SLC68A1: variants seen among roughly 807,000 people sequenced by gnomAD.
SLC68A1 encodes the protein solute carrier family 68 member 1.
At chr10:102,467,771 C>T in the SLC68A1 span, among the ~76,000 whole-genome samples, 1 of 152,182 alleles carries the variant, frequency 6.6e-6, no homozygotes, top group East Asian at 1.9e-4. Context: ...ATTCTCCTCC[C>T]TCAGCCTCCC....
At chr10:102,471,682 C>T in the SLC68A1 span, among the ~76,000 whole-genome samples, 1 of 152,000 alleles carries the variant, frequency 6.6e-6, no homozygotes, top group East Asian at 1.9e-4. Context: ...TCACTTGAAC[C>T]CGGAAGGCGG....
chr10:102,471,477 T>A, the SLC68A1 span: 1 of 1,565,048 alleles, frequency 6.4e-7, no homozygotes, highest in Non-Finnish European at 8.7e-7. Flanking sequence ...GCTGGGAACT[T>A]GGCCACGCAT....
the SLC68A1 span, among the ~76,000 whole-genome samples, chr10:102,474,610 T>G: frequency 6.6e-6 from 1 of 152,228 alleles, no homozygotes; most frequent in Non-Finnish European, 1.5e-5. Context: ...ATCAGGGCAG[T>G]GTTGGAAGCA....
chr10:102,469,312 C>T, the SLC68A1 span: 1,462 of 1,009,892 alleles, frequency 1.4e-3, 16 homozygotes, highest in African/African-American at 0.019. Flanking sequence ...GAGGCCTGGG[C>T]AGTCCAGGTT....
At chr10:102,464,385 A>G in the SLC68A1 span, among the ~76,000 whole-genome samples, 2 of 151,990 alleles carry the variant, frequency 1.3e-5, no homozygotes, top group African/African-American at 2.4e-5. Context: ...TGGGAGGCGG[A>G]GGTTGCAGTG....
chr10:102,462,813 G>C, the SLC68A1 span, among the ~76,000 whole-genome samples: 2 of 152,152 alleles, frequency 1.3e-5, no homozygotes, highest in Non-Finnish European at 1.5e-5. Context: ...GTGTCTCTTA[G>C]CACAGTGCTG....
the SLC68A1 span, chr10:102,461,942 G>GCCCT: frequency 6.6e-6 from 1 of 152,250 alleles, no homozygotes; most frequent in Admixed American, 6.5e-5. Flanking sequence ...GTGGGGAGCA[G>GCCCT]CCCTACACGT....
the SLC68A1 span, among the ~76,000 whole-genome samples, chr10:102,464,153 T>A: frequency 6.6e-6 from 1 of 152,202 alleles, no homozygotes; most frequent in African/African-American, 2.4e-5. Flanking sequence ...ACCTAGTGAC[T>A]GATCTTTAAA....
chr10:102,473,591 A>G, the SLC68A1 span: 1 of 1,611,256 alleles, frequency 6.2e-7, no homozygotes, highest in Non-Finnish European at 8.5e-7. Context: ...GTCGCTCCCC[A>G]TCTCAACAAC....
At chr10:102,476,028 TGGGGA>T in the SLC68A1 span, 1 of 1,289,520 alleles carries the variant, frequency 7.8e-7, no homozygotes, top group Non-Finnish European at 1.0e-6. Flanking sequence ...GCTGGCAGCC[TGGGGA>T]AGGAGCCAGT....
chr10:102,472,872 A>G, the SLC68A1 span: 9 of 1,613,972 alleles, frequency 5.6e-6, no homozygotes, highest in Non-Finnish European at 7.6e-6. Context: ...CTGCCACTTC[A>G]ACAGCAACTT....
chr10:102,476,445 T>G, the SLC68A1 span: 1 of 917,284 alleles, frequency 1.1e-6, no homozygotes, highest in Middle Eastern at 5.4e-4. Context: ...CCTCAAGTGA[T>G]CTGCCTGCCT....
the SLC68A1 span, among the ~76,000 whole-genome samples, chr10:102,467,266 C>T: frequency 6.6e-6 from 1 of 152,120 alleles, no homozygotes; most frequent in Non-Finnish European, 1.5e-5. Context: ...AAATTCCTGG[C>T]CTCAAGTGAT....
chr10:102,474,098 G>T, the SLC68A1 span: 1 of 1,411,346 alleles, frequency 7.1e-7, no homozygotes, highest in South Asian at 1.4e-5. Context: ...CTGGGCTCTG[G>T]GTCCAGTGAC....
the SLC68A1 span, among the ~76,000 whole-genome samples, chr10:102,475,483 C>T: frequency 2.6e-5 from 4 of 151,916 alleles, no homozygotes; most frequent in Admixed American, 6.6e-5. Flanking sequence ...GGAGTGATGG[C>T]GTGAAACCAA....
At chr10:102,469,153 G>T in the SLC68A1 span, 1 of 1,614,086 alleles carries the variant, frequency 6.2e-7, no homozygotes, top group Middle Eastern at 1.6e-4. Flanking sequence ...GGACACCTTT[G>T]TCTCAGTGTA....
the SLC68A1 span, among the ~76,000 whole-genome samples, chr10:102,465,412 G>A: frequency 6.6e-6 from 1 of 151,992 alleles, no homozygotes; most frequent in East Asian, 1.9e-4. Flanking sequence ...GTGACAGAGC[G>A]AGACTCTATC....
At chr10:102,462,600 T>C in the SLC68A1 span, among the ~76,000 whole-genome samples, 1 of 152,120 alleles carries the variant, frequency 6.6e-6, no homozygotes, top group South Asian at 2.1e-4. Flanking sequence ...TTCTAGTCTT[T>C]ACCTACCAGG....
the SLC68A1 span, chr10:102,466,024 A>T: frequency 6.6e-6 from 1 of 152,096 alleles, no homozygotes; most frequent in Non-Finnish European, 1.5e-5. Flanking sequence ...CATCTTTTCA[A>T]ATTCCCTTAC....
Sources: allele counts gnomAD v4.1 joint callset (sites outside exome capture counted in the v4.1 genomes callset), GRCh38; gene constraint gnomAD v4.1.1; transcripts MANE v1.5; gene names NCBI Gene and HGNC (gene_info 2026-07-23, HGNC 2026-07-21).